ZNF77: variants seen among roughly 807,000 people sequenced by gnomAD.
The protein encoded by ZNF77 is zinc finger protein 77.
A neutral mutation model predicts 13.5 loss-of-function variants in ZNF77; 15 were observed. The observed-to-expected ratio is 1.11, with a 90% CI of 0.74 to 1.71. The LOEUF (loss-of-function observed/expected upper bound fraction) is 1.71, where lower values mean the gene tolerates loss of function less well. Ranked by LOEUF, ZNF77 falls within the 40% of genes most tolerant of loss-of-function variation. The probability of loss-of-function intolerance (pLI) is 0.00; values close to 1 mark genes in which losing one functional copy is unlikely to be tolerated. For missense variants in ZNF77, 717 were observed against 676.4 expected, an observed-to-expected ratio of 1.06 and a Z score of -0.67; for synonymous variants, 282 against 250.0, an observed-to-expected ratio of 1.13 and a Z score of -1.21.
At position 2,944,917 on chromosome 19, in the gene ZNF77, C is replaced by T. The variant is rs1290395320; in HGVS notation, c.-77G>A. 6.1e-6 allele frequency: 9 copies of T among 1,476,914 alleles called. No homozygotes were observed. The Admixed American group carries it at 7.4e-5, about 12-fold the overall frequency. The allele number at this position is 1,476,914 out of a possible 1,614,324, so 91.5% of individuals were successfully genotyped here. ...CGGCGCAGGTGAGCACGACAGGACA[C>T]CTGAGCCGCTCGGGGTAGGCGGGGA... On this transcript the variant is annotated 5_prime_UTR_variant, in exon 1 of 4. The change creates a new upstream start codon in the 5' untranslated region. Transcript: ENST00000314531.
In ZNF77 at chr19:2,933,527, A is replaced by G; in HGVS notation, c.1600T>C (p.Ser534Pro). The G allele has an allele frequency of 2.5e-6, 4 of 1,599,952 alleles. No individual in the cohort carries two copies. The highest frequency in any genetic ancestry group is 3.4e-6 in the Non-Finnish European group (4 of 1,170,554). Reference sequence around the variant, plus strand: ...TGTGTTCTCACATGTGCTTGAAGCGATGCGAGATACCTGAAGGTTTTCCCA... The same window carrying G: ...TGTGTTCTCACATGTGCTTGAAGCGGTGCGAGATACCTGAAGGTTTTCCCA... ...QCGKTFRYLA[S>P]LQAHVRTHAG... The change falls in exon 4 of 4, where the codon TCG (serine) becomes CCG (proline). Residue 534 changes from serine (S) to proline (P), a missense_variant. By Grantham distance (74) the Ser-to-Pro change is moderately conservative (BLOSUM62 -1). Coordinates refer to ENST00000314531, the MANE Select transcript of ZNF77 (RefSeq NM_021217.3).
At chr19:2,938,739 G>A (rs919357114) in intron 2 of ZNF77, among the ~76,000 whole-genome samples, 2 of 152,160 alleles carry the variant, frequency 1.3e-5, no homozygotes, top group East Asian at 1.9e-4. Flanking sequence ...GGCGGATCAC[G>A]AGGTCAGGAG....
intron 1 of ZNF77, among the ~76,000 whole-genome samples, chr19:2,944,147 T>C (rs2088475602): frequency 6.9e-6 from 1 of 145,664 alleles, no homozygotes; most frequent in Non-Finnish European, 1.5e-5. Flanking sequence ...GCCTCTACTG[T>C]CCCCCAACAC....
At chr19:2,937,258 T>C (rs7258654) in intron 2 of ZNF77, among the ~76,000 whole-genome samples, 139,973 of 152,108 alleles carry the variant, frequency 0.92, 64,941 homozygotes, top group Middle Eastern at 0.96. Flanking sequence ...CCGAAGCGGG[T>C]GGATCACCTG....
chr19:2,934,549 T>C lies in ZNF77; in HGVS notation c.578A>G (p.Gln193Arg). Residue 193 changes from glutamine (Q) to arginine (R), a missense_variant, in exon 4 of 4, where the codon CAG (glutamine) becomes CGG (arginine). Physicochemically the swap from Gln to Arg is conservative, Grantham distance 43 (BLOSUM62 1). Coordinates refer to ENST00000314531, the MANE Select transcript of ZNF77 (RefSeq NM_021217.3). ...TQTVEKPCNCQDSRTASVTYV... is the reference protein window; with the variant it reads ...TQTVEKPCNCRDSRTASVTYV... ...TGTCACAGATGCTGTCCTTGAGTCC[T>C]GGCAATTACAGGGTTTCTCTACAGT... 2.5e-6 allele frequency: 4 copies of C among 1,614,248 alleles called. No individual in the cohort carries two copies. Among genetic ancestry groups the C allele is most frequent in the Non-Finnish European group, 3.4e-6 (4 of 1,180,032 alleles).
At chr19:2,935,726 A>G (rs954804172) in intron 3 of ZNF77, among the ~76,000 whole-genome samples, 1 of 152,168 alleles carries the variant, frequency 6.6e-6, no homozygotes, top group African/African-American at 2.4e-5. Context: ...CTCTCTTAGG[A>G]AAAGTCTCAG....
intron 1 of ZNF77, among the ~76,000 whole-genome samples, chr19:2,943,792 C>T (rs2088472220): frequency 6.9e-6 from 1 of 145,116 alleles, no homozygotes; most frequent in African/African-American, 2.5e-5. Flanking sequence ...TCACTGCAAG[C>T]TCCACCTCCC....
rs2088374650 is a variant in ZNF77 at position 2,934,295 on chromosome 19, T to C, written c.832A>G (p.Ser278Gly). The change falls in exon 4 of 4, where the codon AGC (serine) becomes GGC (glycine). Residue 278 changes from serine (S) to glycine (G), a missense_variant. Coordinates refer to ENST00000314531, the MANE Select transcript of ZNF77 (RefSeq NM_021217.3). ...YECKECGKAFSCPSYFREHVR... is the reference protein window; with the variant it reads ...YECKECGKAFGCPSYFREHVR... ...TGTTCTCGAAAGTATGAGGGACAGC[T>C]GAAGGCTTTCCCACACTCCTTACAC... is the stretch of plus-strand genomic sequence containing the variant. The C allele has an allele frequency of 1.2e-6, 2 of 1,613,486 alleles. No homozygotes were observed. Among genetic ancestry groups the C allele is most frequent in the Non-Finnish European group, 1.7e-6 (2 of 1,179,558 alleles).
chr19:2,940,445 T>C (rs561433367), intron 1 of ZNF77, among the ~76,000 whole-genome samples: 2 of 151,378 alleles, frequency 1.3e-5, no homozygotes, highest in South Asian at 2.1e-4. Context: ...GAGGCTAAGG[T>C]GGGCGGATCA....
Position 2,934,380 on chromosome 19 carries a change from A to G in ZNF77, c.747T>C (p.Phe249=). 1 of 1,614,204 alleles carries G rather than the reference A, an allele frequency of 6.2e-7. No individual in the cohort carries two copies. The highest frequency in any genetic ancestry group is 1.1e-5 in the South Asian group (1 of 91,086). The change falls in exon 4 of 4, where the codon TTT becomes TTC. Residue 249 remains phenylalanine (F), a synonymous_variant. Transcript: ENST00000314531. ...THACKVCGKT[F]MYYSYLTRHV... ...GCCGTGTAAGGTAGGAGTAATACAT[A>G]AAGGTCTTCCCACATACTTTACATG...
intron 1 of ZNF77, chr19:2,939,668 G>A: frequency 2.2e-6 from 1 of 445,320 alleles, no homozygotes; most frequent in Non-Finnish European, 4.1e-6. Context: ...GGGAAACACT[G>A]AAAAATCTGA....
At chr19:2,935,687 G>A (rs931778340) in intron 3 of ZNF77, among the ~76,000 whole-genome samples, 4 of 151,982 alleles carry the variant, frequency 2.6e-5, no homozygotes, top group Non-Finnish European at 1.5e-5. Flanking sequence ...TTTCAGACAC[G>A]TGACATTGAC....
rs761931172 is a variant in ZNF77 at position 2,934,009 on chromosome 19, A to G, written c.1118T>C (p.Met373Thr). 1.2e-6 allele frequency: 2 copies of G among 1,613,916 alleles called. No individual in the cohort carries two copies. Among genetic ancestry groups the G allele is most frequent in the Non-Finnish European group, 1.7e-6 (2 of 1,180,012 alleles). ...CACATAGGGCTTCTCTCCGGTGTGC[A>G]TTCTCATGTGTGCTCGCAGAGAGGA... ...YPSSLRAHMRMHTGEKPYVCK... is the reference protein window; with the variant it reads ...YPSSLRAHMRTHTGEKPYVCK... The change falls in exon 4 of 4, where the codon ATG (methionine) becomes ACG (threonine). Residue 373 changes from methionine (M) to threonine (T), a missense_variant. By Grantham distance (81) the Met-to-Thr change is moderately conservative. Coordinates refer to ENST00000314531, the MANE Select transcript of ZNF77 (RefSeq NM_021217.3).
intron 2 of ZNF77, among the ~76,000 whole-genome samples, chr19:2,938,913 G>A (rs187102256): frequency 6.3e-4 from 96 of 151,550 alleles, no homozygotes; most frequent in African/African-American, 9.4e-4. Flanking sequence ...CCGAGATCGT[G>A]CCACTGCACT....
intron 3 of ZNF77, among the ~76,000 whole-genome samples, chr19:2,935,230 G>T (rs1471452698): frequency 6.6e-6 from 1 of 151,376 alleles, no homozygotes; most frequent in African/African-American, 2.4e-5. Flanking sequence ...GTGTTAGCCA[G>T]GATGGTCTTG....
intron 2 of ZNF77, among the ~76,000 whole-genome samples, chr19:2,938,143 C>T (rs78755866): frequency 1.1e-3 from 162 of 152,282 alleles, no homozygotes; most frequent in African/African-American, 3.8e-3. Context: ...TCTCCTGGTG[C>T]TCACAGGCAC....
At chr19:2,943,524 C>T (rs1399263880) in intron 1 of ZNF77, among the ~76,000 whole-genome samples, 1 of 151,706 alleles carries the variant, frequency 6.6e-6, no homozygotes, top group African/African-American at 2.4e-5. Flanking sequence ...TAGCTGACCA[C>T]GAGGAGGTAC....
At chr19:2,944,708 G>GC in intron 1 of ZNF77, 130 bp downstream of exon 1, 1 of 1,310,128 alleles carries the variant, frequency 7.6e-7, no homozygotes, top group Non-Finnish European at 1.0e-6. Context: ...CACGTCCCCG[G>GC]GGCCCAGGCG....
intron 3 of ZNF77, 121 bp from the exon 4 acceptor site, chr19:2,934,936 C>T: frequency 3.1e-6 from 4 of 1,293,388 alleles, no homozygotes; most frequent in African/African-American, 1.5e-5. Flanking sequence ...GTTCTATTTT[C>T]AGCACTGTCT....
Sources: gnomAD v4.1 joint callset for allele counts (sites outside exome capture counted in the v4.1 genomes callset) on GRCh38, gnomAD v4.1.1 for gene constraint, MANE v1.5 for transcripts, NCBI Gene and HGNC (gene_info 2026-07-23, HGNC 2026-07-21) for gene names.